IMMP2L: variants seen among roughly 807,000 people sequenced by gnomAD.
IMMP2L encodes mitochondrial inner membrane protease subunit 2.
A neutral mutation model predicts 19.3 loss-of-function variants in IMMP2L; 18 were observed. That is an observed-to-expected ratio of 0.93 (90% CI 0.64 to 1.38). The LOEUF is 1.38. IMMP2L is among the 40% of genes most tolerant of loss of function. IMMP2L has a pLI of 0.00. For synonymous variants in IMMP2L, 76 were observed against 73.0 expected, an observed-to-expected ratio of 1.04 and a Z score of -0.21; for missense variants, 233 against 218.2, an observed-to-expected ratio of 1.07 and a Z score of -0.43.
intron 3 of IMMP2L, among the ~76,000 whole-genome samples, chr7:111,156,387 T>C (rs1490457027): frequency 1.3e-5 from 2 of 152,162 alleles, no homozygotes; most frequent in Non-Finnish European, 2.9e-5. Context: ...CTTTACTTTC[T>C]AAATATTAAA....
chr7:111,540,040 G>T (rs1022923629), intron 1 of IMMP2L, among the ~76,000 whole-genome samples: 2 of 151,906 alleles, frequency 1.3e-5, no homozygotes, highest in Non-Finnish European at 2.9e-5. Context: ...TAATCTAATT[G>T]AACAACAGAA....
At chr7:110,962,183 G>A (rs1030995708) in intron 4 of IMMP2L, 4 of 151,850 alleles carry the variant, frequency 2.6e-5, no homozygotes, top group Non-Finnish European at 4.4e-5. Context: ...ACAGCAATAA[G>A]TTCTCACATT....
At chr7:110,974,802 GA>G (rs539316344) in intron 3 of IMMP2L, among the ~76,000 whole-genome samples, 11 of 152,172 alleles carry the variant, frequency 7.2e-5, no homozygotes, top group African/African-American at 2.6e-4. Flanking sequence ...CTTATTTTCA[GA>G]TATTATTTGT....
At chr7:111,162,370 A>G (rs912394844) in intron 3 of IMMP2L, among the ~76,000 whole-genome samples, 1 of 152,094 alleles carries the variant, frequency 6.6e-6, no homozygotes, top group African/African-American at 2.4e-5. Flanking sequence ...GACCTCAGGT[A>G]AACACGCGCT....
At chr7:111,539,151 G>T in intron 1 of IMMP2L, among the ~76,000 whole-genome samples, 1 of 41,098 alleles carries the variant, frequency 2.4e-5, no homozygotes, top group Non-Finnish European at 4.5e-5. Flanking sequence ...AAGGAAGGAA[G>T]GAAGGAAGGA....
intron 4 of IMMP2L, among the ~76,000 whole-genome samples, chr7:110,911,906 G>A (rs1009933375): frequency 1.2e-4 from 19 of 152,028 alleles, no homozygotes; most frequent in Admixed American, 2.6e-4. Flanking sequence ...TTTCCTCTAC[G>A]GAAATTGCAG....
chr7:111,107,380 A>G (rs182916692), intron 3 of IMMP2L, among the ~76,000 whole-genome samples: 2 of 152,136 alleles, frequency 1.3e-5, no homozygotes, highest in South Asian at 2.1e-4. Flanking sequence ...GTTTAGATTC[A>G]ACTGATCAGT....
chr7:111,422,596 A>G (rs1242057036), intron 3 of IMMP2L, among the ~76,000 whole-genome samples: 4 of 151,896 alleles, frequency 2.6e-5, no homozygotes, highest in Non-Finnish European at 4.4e-5. Flanking sequence ...GAAGTTGCTT[A>G]TCAGCTTAAG....
intron 5 of IMMP2L, among the ~76,000 whole-genome samples, chr7:110,883,039 T>A (rs1471249359): frequency 6.6e-6 from 1 of 152,182 alleles, no homozygotes; most frequent in Non-Finnish European, 1.5e-5. Flanking sequence ...AACATAAAGT[T>A]TACTTTTTCT....
Position 110,728,316 on chromosome 7 carries a change from T to C in IMMP2L, c.409-64595A>G, listed in dbSNP as rs1342971527. 2.0e-5 allele frequency among the ~76,000 whole-genome samples: 3 copies of C among 151,860 alleles called. No homozygotes were observed. The highest frequency in any genetic ancestry group is 6.6e-5 in the Admixed American group (1 of 15,252). ...GAGTTTGAAACCAGCCTGGGCAACA[T>C]GGCAAAACCCTGTATCTATAAAATA... On this transcript the variant is annotated intron_variant, in intron 5 of 5. Transcript: ENST00000405709. The surrounding 1 kb of genome is among the most constrained non-coding windows in gnomAD (Gnocchi z 4.6).
chr7:110,971,924 C>T (rs183077877), intron 3 of IMMP2L, among the ~76,000 whole-genome samples: 109 of 152,112 alleles, frequency 7.2e-4, no homozygotes, highest in African/African-American at 2.6e-3. Flanking sequence ...TGAGATGCCA[C>T]ATAATCAATG....
At chr7:111,441,873 T>C (rs774176453) in intron 3 of IMMP2L, among the ~76,000 whole-genome samples, 8 of 151,784 alleles carry the variant, frequency 5.3e-5, no homozygotes, top group Non-Finnish European at 8.8e-5. Context: ...GCACTGTGGC[T>C]CACACCTGTA....
intron 5 of IMMP2L, among the ~76,000 whole-genome samples, chr7:110,832,289 A>AT (rs397761849): frequency 6.0e-5 from 9 of 150,708 alleles, no homozygotes; most frequent in Admixed American, 5.3e-4. Flanking sequence ...AAACAAAAAA[A>AT]CCCTACTCTG....
chr7:110,792,465 A>G (rs923460533), intron 5 of IMMP2L, among the ~76,000 whole-genome samples: 2 of 152,104 alleles, frequency 1.3e-5, no homozygotes, highest in African/African-American at 4.8e-5. Context: ...CTGAGACTAA[A>G]CATCCGGCTT....
intron 3 of IMMP2L, among the ~76,000 whole-genome samples, chr7:111,270,562 A>G (rs187862078): frequency 5.3e-5 from 8 of 152,298 alleles, no homozygotes; most frequent in Admixed American, 3.9e-4. Flanking sequence ...GATGCAGAAG[A>G]GAAGAAACTT....
chr7:111,050,018 C>T (rs1429537437), intron 3 of IMMP2L, among the ~76,000 whole-genome samples: 1 of 152,126 alleles, frequency 6.6e-6, no homozygotes, highest in African/African-American at 2.4e-5. Flanking sequence ...AGGGAACTCT[C>T]CTCTCCTTGG....
At chr7:110,845,491 T>C (rs1805572033) in intron 5 of IMMP2L, among the ~76,000 whole-genome samples, 1 of 152,092 alleles carries the variant, frequency 6.6e-6, no homozygotes, top group Admixed American at 6.6e-5. Context: ...CGGGGTAAAA[T>C]AAACTTTTAT....
intron 3 of IMMP2L, among the ~76,000 whole-genome samples, chr7:111,373,493 G>C (rs1830424949): frequency 1.3e-5 from 2 of 152,024 alleles, no homozygotes; most frequent in Non-Finnish European, 2.9e-5. Flanking sequence ...CATGCAGTTA[G>C]GATCCTCTTT....
chr7:111,411,139 GA>G (rs1420993920), intron 3 of IMMP2L, among the ~76,000 whole-genome samples: 2 of 139,660 alleles, frequency 1.4e-5, no homozygotes, highest in South Asian at 4.7e-4. Flanking sequence ...AAAGTACCCA[GA>G]AAAAAAGGCA....
Sources: allele counts gnomAD v4.1 joint callset (sites outside exome capture counted in the v4.1 genomes callset), GRCh38; gene constraint gnomAD v4.1.1; non-coding constraint Gnocchi (gnomAD v3.1); transcripts MANE v1.5; gene names NCBI Gene and HGNC (gene_info 2026-07-23, HGNC 2026-07-21).